Variants in GPC5 observed in about 807,000 individuals in gnomAD.
GPC5 encodes the protein glypican-5.
GPC5 carries 47 observed loss-of-function variants against 53.9 expected under a neutral mutation model. The ratio of observed to expected loss-of-function variants is 0.87; its 90% CI spans 0.69 to 1.11. GPC5 has a LOEUF of 1.11. GPC5 is among the 50% of genes most tolerant of loss of function. The probability of loss-of-function intolerance (pLI) is 0.00; values close to 1 mark genes in which losing one functional copy is unlikely to be tolerated. For synonymous variants in GPC5, 286 were observed against 263.3 expected, an observed-to-expected ratio of 1.09 and a Z score of -0.84; for missense variants, 748 against 713.1, an observed-to-expected ratio of 1.05 and a Z score of -0.56.
Position 91,756,367 on chromosome 13 carries a change from A to G in GPC5, c.1227A>G (p.Glu409=). 6.3e-7 allele frequency: 1 copy of G among 1,594,768 alleles called. No homozygotes were observed. The highest frequency in any genetic ancestry group is 8.6e-7 in the Non-Finnish European group (1 of 1,165,950). ...TAGCTGATCAGCTTTGTGCTAATGA[A>G]TTAGCTGCTGCAGATGGACTTCCCT... ...GGLADQLCAN[E]LAAADGLPCW... Residue 409 remains glutamate, a synonymous_variant, in exon 5 of 8, where the codon GAA becomes GAG. Transcript: ENST00000377067.
At chr13:91,972,872 C>T (rs1201141421) in intron 6 of GPC5, among the ~76,000 whole-genome samples, 5 of 152,136 alleles carry the variant, frequency 3.3e-5, no homozygotes, top group Admixed American at 3.3e-4. Context: ...GTGGGTAACC[C>T]TACCTTTCTC....
chr13:91,751,414 A>T (rs1212381838), intron 4 of GPC5, among the ~76,000 whole-genome samples: 1 of 152,192 alleles, frequency 6.6e-6, no homozygotes. Flanking sequence ...GAACAATAAC[A>T]TTGTGTTTCT....
At chr13:92,637,441 G>C (rs1258809929) in intron 7 of GPC5, among the ~76,000 whole-genome samples, 5 of 152,114 alleles carry the variant, frequency 3.3e-5, no homozygotes, top group African/African-American at 1.2e-4. Flanking sequence ...AGAAAGGGAA[G>C]GCAGAAAAAT....
intron 6 of GPC5, among the ~76,000 whole-genome samples, chr13:92,139,642 G>A (rs1487890735): frequency 7.2e-6 from 1 of 138,908 alleles, no homozygotes; most frequent in Non-Finnish European, 1.5e-5. Context: ...TTTCCAGCCT[G>A]GGTGACAGAG....
chr13:91,804,487 T>A (rs1447976453), intron 5 of GPC5, among the ~76,000 whole-genome samples: 1 of 152,204 alleles, frequency 6.6e-6, no homozygotes, highest in Non-Finnish European at 1.5e-5. Context: ...TGGAAAAATT[T>A]CTTGACATCT....
intron 7 of GPC5, among the ~76,000 whole-genome samples, chr13:92,770,362 C>T (rs1205316703): frequency 4.0e-5 from 6 of 149,250 alleles, no homozygotes; most frequent in African/African-American, 1.2e-4. Context: ...CTGCAGTGAG[C>T]CATGATGGCA....
intron 7 of GPC5, among the ~76,000 whole-genome samples, chr13:92,547,819 C>CTTTTTTTTATTTTT (rs1882172715): frequency 1.0e-5 from 1 of 100,448 alleles, no homozygotes; most frequent in African/African-American, 4.0e-5. Flanking sequence ...GCCTATTATT[C>CTTTTTTTTATTTTT]TTTTTTTTTT....
At chr13:91,830,104 C>A (rs1430977335) in intron 5 of GPC5, among the ~76,000 whole-genome samples, 1 of 151,998 alleles carries the variant, frequency 6.6e-6, no homozygotes, top group African/African-American at 2.4e-5. Flanking sequence ...GTCTATTTCA[C>A]CCCTACAGTC....
intron 2 of GPC5, among the ~76,000 whole-genome samples, chr13:91,675,909 A>T (rs2035370704): frequency 6.6e-6 from 1 of 152,030 alleles, no homozygotes; most frequent in Non-Finnish European, 1.5e-5. Flanking sequence ...CGAATATCTC[A>T]CTCCAGGGTG....
intron 7 of GPC5, among the ~76,000 whole-genome samples, chr13:92,663,559 A>G (rs1886421102): frequency 7.1e-6 from 1 of 141,720 alleles, no homozygotes; most frequent in Non-Finnish European, 1.5e-5. Flanking sequence ...CAATATGGTG[A>G]AACCCTGTTT....
chr13:91,912,946 G>A (rs1045722232), intron 6 of GPC5, among the ~76,000 whole-genome samples: 5 of 152,102 alleles, frequency 3.3e-5, no homozygotes. Flanking sequence ...ATGTGTGGGT[G>A]GAAGCTTGGC....
intron 7 of GPC5, among the ~76,000 whole-genome samples, chr13:92,685,729 C>G (rs1169679093): frequency 7.1e-5 from 7 of 98,734 alleles, no homozygotes; most frequent in Non-Finnish European, 7.7e-5. Context: ...GACCCCACCA[C>G]AGTCCCCAGA....
At chr13:92,154,348 T>C (rs1183565191) in intron 7 of GPC5, among the ~76,000 whole-genome samples, 1 of 152,078 alleles carries the variant, frequency 6.6e-6, no homozygotes. Flanking sequence ...ATGTCACCCC[T>C]TTCTATCAGG....
intron 7 of GPC5, among the ~76,000 whole-genome samples, chr13:92,506,164 T>C (rs1012874661): frequency 1.3e-5 from 2 of 152,230 alleles, no homozygotes; most frequent in Middle Eastern, 3.4e-3. Context: ...TACCAAACTT[T>C]GTATTTAATA....
At chr13:92,773,092 T>C (rs1875671136) in intron 7 of GPC5, among the ~76,000 whole-genome samples, 1 of 152,148 alleles carries the variant, frequency 6.6e-6, no homozygotes, top group South Asian at 2.1e-4. Context: ...GATCCTTCAT[T>C]GTAATACCCT....
intron 7 of GPC5, among the ~76,000 whole-genome samples, chr13:92,647,149 A>T (rs1885800181): frequency 6.6e-6 from 1 of 151,954 alleles, no homozygotes; most frequent in South Asian, 2.1e-4. Flanking sequence ...ACCTCAGCCT[A>T]ATGTTGGATA....
At chr13:92,840,078 CATATATATATATAT>C (rs4001881) in intron 7 of GPC5, among the ~76,000 whole-genome samples, 4,982 of 98,850 alleles carry the variant, frequency 0.05, 149 homozygotes, top group Non-Finnish European at 0.062. Flanking sequence ...TATATACATA[CATATATATATATAT>C]ATATATATAT....
At chr13:92,447,043 G>T (rs1406332039) in intron 7 of GPC5, 1 of 152,032 alleles carries the variant, frequency 6.6e-6, no homozygotes, top group Non-Finnish European at 1.5e-5. Flanking sequence ...TCTCTCATCA[G>T]ATATATAGTT....
intron 6 of GPC5, among the ~76,000 whole-genome samples, chr13:91,969,232 G>C (rs990873731): frequency 6.6e-6 from 1 of 152,120 alleles, no homozygotes; most frequent in African/African-American, 2.4e-5. Context: ...TTTCCAAAGT[G>C]CTGGGATTAC....
Sources: allele counts gnomAD v4.1 joint callset (sites outside exome capture counted in the v4.1 genomes callset), GRCh38; gene constraint gnomAD v4.1.1; transcripts MANE v1.5; gene names NCBI Gene and HGNC (gene_info 2026-07-23, HGNC 2026-07-21).